The following PARD3B variants were observed in gnomAD, a reference collection of about 807,000 sequenced individuals.
PARD3B encodes partitioning defective 3 homolog B.
In PARD3B, 103 loss-of-function variants were observed where a neutral mutation model predicts 130.2. That is an observed-to-expected ratio of 0.79 (90% CI 0.67 to 0.93). The LOEUF is 0.93. Among genes scored for constraint, PARD3B ranks in the 40% least tolerant of loss-of-function variants. The pLI, the probability that PARD3B is intolerant of heterozygous loss-of-function variation, is 0.00. For missense variants in PARD3B, 1,609 were observed against 1,499.2 expected (o/e 1.07, Z -1.21); for synonymous variants, 583 against 553.2 (o/e 1.05, Z -0.76).
chr2:205,299,224 T>C (rs1324867170), intron 16 of PARD3B, among the ~76,000 whole-genome samples: 1 of 152,208 alleles, frequency 6.6e-6, no homozygotes, highest in Non-Finnish European at 1.5e-5. Context: ...CTTAATGCTG[T>C]GTGCAGCTGC....
intron 2 of PARD3B, among the ~76,000 whole-genome samples, chr2:204,757,337 A>C (rs1388060672): frequency 2.6e-5 from 4 of 152,140 alleles, no homozygotes; most frequent in African/African-American, 7.2e-5. Context: ...GGAATCTCCA[A>C]ACTTGTTTCC....
intron 3 of PARD3B, among the ~76,000 whole-genome samples, chr2:204,985,958 G>C (rs916720210): frequency 4.0e-5 from 6 of 151,794 alleles, no homozygotes; most frequent in African/African-American, 1.5e-4. Context: ...AAAGTTAGCC[G>C]GGCGTGATGG....
At chr2:205,180,879 G>A (rs943919261) in intron 13 of PARD3B, among the ~76,000 whole-genome samples, 5 of 152,036 alleles carry the variant, frequency 3.3e-5, no homozygotes, top group Non-Finnish European at 7.4e-5. Context: ...TGTGTCCCAG[G>A]GGCTTCCTAT....
intron 16 of PARD3B, among the ~76,000 whole-genome samples, chr2:205,262,487 A>G (rs922765187): frequency 2.0e-5 from 3 of 152,106 alleles, no homozygotes; most frequent in Admixed American, 1.3e-4. Flanking sequence ...CATCTCCCAG[A>G]TTATACATCT....
At chr2:205,504,059 T>C (rs1012529274) in intron 21 of PARD3B, among the ~76,000 whole-genome samples, 3 of 152,082 alleles carry the variant, frequency 2.0e-5, no homozygotes, top group Admixed American at 6.6e-5. Context: ...GCCTATCAGC[T>C]TAAGAAGATT....
chr2:205,166,383 G>A (rs1331262406), intron 11 of PARD3B, among the ~76,000 whole-genome samples: 5 of 152,062 alleles, frequency 3.3e-5, no homozygotes, highest in African/African-American at 1.2e-4. Context: ...GGGCATTTTG[G>A]GTAGAAGAAA....
chr2:205,588,516 C>G lies in PARD3B; in HGVS notation c.3261-26940C>G, dbSNP rs375981063. Among the ~76,000 whole-genome samples the G allele has an allele frequency of 9.8e-4, 149 of 151,444 alleles. 1 individual carries two copies. Among genetic ancestry groups the G allele is most frequent in the Admixed American group, 2.8e-3 (43 of 15,198 alleles). On this transcript the variant is annotated intron_variant, in intron 22 of 22. Coordinates refer to ENST00000406610, the MANE Select transcript of PARD3B (RefSeq NM_001302769.2). ...TTTTTCAAGTGTGAGATTTTGTGTG[C>G]GTGCATGTGTGTGTGCGTGTGCATA... is the stretch of plus-strand genomic sequence containing the variant.
Position 205,244,132 on chromosome 2 carries a change from CT to C in PARD3B, c.2141-1645del, listed in dbSNP as rs963740667. On this transcript the variant is annotated intron_variant, in intron 15 of 22. Coordinates refer to ENST00000406610, the MANE Select transcript of PARD3B (RefSeq NM_001302769.2). The surrounding 1 kb of genome is among the most constrained non-coding windows in gnomAD (Gnocchi z 4.7). ...AATCACAGATATGTAGTGCTTTTAT[CT>C]AGAAAATAAAGAAATAGCTTAGAAA... Among the ~76,000 whole-genome samples, 5 of 151,964 alleles carry C rather than the reference CT, an allele frequency of 3.3e-5. No individual in the cohort carries two copies. Among genetic ancestry groups the C allele is most frequent in the African/African-American group, 1.2e-4 (5 of 41,346 alleles).
intron 2 of PARD3B, among the ~76,000 whole-genome samples, chr2:204,713,691 A>G (rs894103224): frequency 6.6e-6 from 1 of 152,126 alleles, no homozygotes; most frequent in Admixed American, 6.5e-5. Context: ...TATTTTACTT[A>G]GTATGTCAAG....
chr2:204,933,185 C>T (rs1306567364), intron 2 of PARD3B, among the ~76,000 whole-genome samples: 2 of 152,136 alleles, frequency 1.3e-5, no homozygotes, highest in Non-Finnish European at 2.9e-5. Flanking sequence ...TGTGCACATC[C>T]TGCATATCTG....
At position 204,783,232 on chromosome 2, in the gene PARD3B, G is replaced by A. The variant is rs1468334654; in HGVS notation, c.222+96950G>A. On this transcript the variant is annotated intron_variant, in intron 2 of 22. Coordinates refer to ENST00000406610, the MANE Select transcript of PARD3B (RefSeq NM_001302769.2). ...GAATGATCAAACTGACCCAAATGGA[G>A]GGAACCTGGTGTAATCATAATCAGT... Among the ~76,000 whole-genome samples, 8 of 152,120 alleles carry A rather than the reference G, an allele frequency of 5.3e-5. 1 individual carries two copies.
chr2:205,505,742 AT>A (rs1354163019), intron 21 of PARD3B, among the ~76,000 whole-genome samples: 1 of 152,232 alleles, frequency 6.6e-6, no homozygotes, highest in Non-Finnish European at 1.5e-5. Context: ...TGATCTGCTT[AT>A]TTAACAGCAG....
At chr2:205,191,300 T>C (rs1380865762) in intron 14 of PARD3B, among the ~76,000 whole-genome samples, 1 of 152,162 alleles carries the variant, frequency 6.6e-6, no homozygotes, top group Non-Finnish European at 1.5e-5. Context: ...AACTTACGTA[T>C]CTTACAAAAA....
At chr2:205,422,849 G>GGCTTAGCTTAGGTCTGTTGGT (rs60470327) in intron 19 of PARD3B, among the ~76,000 whole-genome samples, 151,942 of 152,202 alleles carry the variant, frequency 1, 75,843 homozygotes, top group Middle Eastern at 1. Context: ...GAAAAGAATA[G>GGCTTAGCTTAGGTCTGTTGGT]CTTGGTGAAG....
At chr2:204,562,502 A>G (rs1278739207) in intron 1 of PARD3B, among the ~76,000 whole-genome samples, 2 of 152,302 alleles carry the variant, frequency 1.3e-5, no homozygotes, top group East Asian at 1.9e-4. Context: ...GTGTATGGCT[A>G]GTGTGTGAGC....
intron 2 of PARD3B, among the ~76,000 whole-genome samples, chr2:204,778,429 T>A (rs1200938244): frequency 3.9e-5 from 6 of 152,150 alleles, no homozygotes; most frequent in Non-Finnish European, 5.9e-5. Flanking sequence ...CAAGTGCAAG[T>A]CAAGACCCTA....
At chr2:205,072,801 C>T (rs879346971) in intron 4 of PARD3B, among the ~76,000 whole-genome samples, 5 of 151,928 alleles carry the variant, frequency 3.3e-5, no homozygotes, top group Non-Finnish European at 7.4e-5. Context: ...TATACTAATT[C>T]TATTTAGTAA....
At chr2:205,567,008 G>A (rs2053363462) in intron 22 of PARD3B, among the ~76,000 whole-genome samples, 1 of 152,194 alleles carries the variant, frequency 6.6e-6, no homozygotes, top group Non-Finnish European at 1.5e-5. Context: ...TGAAGCATAA[G>A]GATGAGGGTA....
At chr2:205,124,885 C>G (rs1015215621) in intron 9 of PARD3B, among the ~76,000 whole-genome samples, 4 of 152,160 alleles carry the variant, frequency 2.6e-5, no homozygotes, top group African/African-American at 9.7e-5. Context: ...TGTCCATATC[C>G]CTATCATCTG....
Sources: gnomAD v4.1 joint callset for allele counts (sites outside exome capture counted in the v4.1 genomes callset) on GRCh38, gnomAD v4.1.1 for gene constraint, Gnocchi (gnomAD v3.1) non-coding constraint, MANE v1.5 for transcripts, NCBI Gene and HGNC (gene_info 2026-07-23, HGNC 2026-07-21) for gene names.